The following PLA2G4B variants were observed in gnomAD, a reference collection of about 807,000 sequenced individuals.
PLA2G4B encodes cytosolic phospholipase A2 beta.
A neutral mutation model predicts 95.8 loss-of-function variants in PLA2G4B; 122 were observed. The ratio of observed to expected loss-of-function variants is 1.27; its 90% CI spans 1.10 to 1.48. The LOEUF (loss-of-function observed/expected upper bound fraction) is 1.48, where lower values mean the gene tolerates loss of function less well. Among genes scored for constraint, PLA2G4B ranks in the 40% most tolerant of loss-of-function variants. PLA2G4B has a pLI of 0.00. For missense variants in PLA2G4B, 1,158 were observed against 996.2 expected (o/e 1.16, Z -2.19); for synonymous variants, 518 against 421.5 (o/e 1.23, Z -2.80).
At chr15:41,844,401 C>T in intron 11 of PLA2G4B, 70 bp from the exon 12 acceptor site, 1 of 1,609,270 alleles carries the variant, frequency 6.2e-7, no homozygotes, top group South Asian at 1.1e-5. Context: ...TGACCTGCTA[C>T]CTCTTCTTCC....
At chr15:41,846,072 G>A (rs1203979698) in intron 16 of PLA2G4B, 25 bp downstream of exon 16, 2 of 1,569,770 alleles carry the variant, frequency 1.3e-6, no homozygotes, top group Non-Finnish European at 1.7e-6. Flanking sequence ...CCCTTCATAA[G>A]GGTGCCAAGG....
intron 17 of PLA2G4B, 119 bp downstream of exon 17, chr15:41,846,501 G>A: frequency 6.6e-7 from 1 of 1,509,998 alleles, no homozygotes; most frequent in African/African-American, 1.4e-5. Flanking sequence ...GGACTACTTG[G>A]AACAGGGGTC....
Position 41,838,928 on chromosome 15 carries a change from G to T in PLA2G4B, c.9+6G>T. 6.3e-7 allele frequency: 1 copy of T among 1,590,736 alleles called. No individual in the cohort carries two copies. On this transcript the variant is annotated splice_donor_region_variant and intron_variant, in intron 1 of 19. Coordinates refer to ENST00000458483, the MANE Select transcript of PLA2G4B (RefSeq NM_001114633.2). ...GACTCAGTCTCATGGCTGTGGTAAG[G>T]CCTGGCAGGGCCCTGGGTCCCTACT...
intron 1 of PLA2G4B, chr15:41,839,914 G>A (rs556138547): frequency 2.5e-5 from 13 of 526,392 alleles, no homozygotes; most frequent in African/African-American, 7.6e-5. Flanking sequence ...GTGGTTGTGC[G>A]ATAAATGAGT....
In PLA2G4B at chr15:41,840,777, G is replaced by A. The variant is rs2140888629; in HGVS notation, c.223G>A (p.Val75Ile). 6.2e-7 allele frequency: 1 copy of A among 1,613,666 alleles called. No individual in the cohort carries two copies. The highest frequency in any genetic ancestry group is 8.5e-7 in the Non-Finnish European group (1 of 1,179,714). Residue 75 changes from valine (V) to isoleucine (I), a missense_variant, in exon 4 of 20, where the codon GTC (valine) becomes ATC (isoleucine). Physicochemically the swap from Val to Ile is conservative, Grantham distance 29. Transcript: ENST00000458483. ...HFRIHRQLKNVMELKVFDQDL... is the reference protein window; with the variant it reads ...HFRIHRQLKNIMELKVFDQDL... ...CTGTCACTCTTTTCCCCTCCAGAAT[G>A]TCATGGAACTGAAAGTCTTTGACCA...
Position 41,840,825 on chromosome 15 carries a change from C to A in PLA2G4B, c.271C>A (p.Pro91Thr). ...FDQDLVTGDDPVLSVLFDAGT... is the reference protein window; with the variant it reads ...FDQDLVTGDDTVLSVLFDAGT... ...CCAGGACCTGGTGACCGGAGATGAC[C>A]CTGTGTTGTCAGTACTGTTTGATGC... is the stretch of plus-strand genomic sequence containing the variant. Residue 91 changes from proline (P) to threonine (T), a missense_variant, in exon 4 of 20, where the codon CCT becomes ACT. Pro to Thr is a conservative substitution (Grantham distance 38). Transcript: ENST00000458483. 1 of 1,614,040 alleles carries A rather than the reference C, an allele frequency of 6.2e-7. No individual in the cohort carries two copies. Among genetic ancestry groups the A allele is most frequent in the Non-Finnish European group, 8.5e-7 (1 of 1,179,986 alleles).
chr15:41,844,979 G>T lies in PLA2G4B; in HGVS notation c.1148G>T (p.Arg383Leu). ...VLAPSQLQRYRQELAERARLG... is the reference protein window; with the variant it reads ...VLAPSQLQRYLQELAERARLG... ...GCCCCCAGCCAGCTGCAGCGGTACC[G>T]GCAGGAGCTGGCCGAGCGTGCCCGC... The change falls in exon 13 of 20, where the codon CGG (arginine) becomes CTG (leucine). Residue 383 changes from arginine to leucine, a missense_variant. Arg to Leu is a moderately radical substitution (Grantham distance 102, BLOSUM62 -2). Coordinates refer to ENST00000458483, the MANE Select transcript of PLA2G4B (RefSeq NM_001114633.2). The T allele has an allele frequency of 1.9e-6, 3 of 1,610,060 alleles. No individual in the cohort carries two copies. The highest frequency in any genetic ancestry group is 2.5e-6 in the Non-Finnish European group (3 of 1,178,470).
rs772266698 is a variant in PLA2G4B, at chr15:41,840,559, C to T, written c.118C>T (p.Pro40Ser). 1.6e-4 allele frequency: 265 copies of T among 1,613,776 alleles called. 1 individual carries two copies. The highest frequency in any genetic ancestry group is 7.6e-6 in the Non-Finnish European group (9 of 1,180,036). Residue 40 changes from proline to serine, a missense_variant, in exon 3 of 20, where the codon CCC (proline) becomes TCC (serine). By Grantham distance (74) the Pro-to-Ser change is moderately conservative. Coordinates refer to ENST00000458483, the MANE Select transcript of PLA2G4B (RefSeq NM_001114633.2). ...PSDCYVTLWL[P>S]TACSHRLQTR... Reference sequence around the variant, plus strand: ...TGACTGCTACGTGACTCTCTGGCTGCCCACGGCCTGCAGCCACAGGCTCCA... The same window carrying T: ...TGACTGCTACGTGACTCTCTGGCTGTCCACGGCCTGCAGCCACAGGCTCCA...
intron 18 of PLA2G4B, 27 bp from the exon 19 acceptor site, chr15:41,847,310 C>T: frequency 1.3e-6 from 2 of 1,575,004 alleles, no homozygotes; most frequent in Non-Finnish European, 1.7e-6. Context: ...CCCTGTCCCT[C>T]TGAAGCCCCT....
At position 41,846,374 on chromosome 15, in the gene PLA2G4B, C is replaced by T. The variant is rs36126315; in HGVS notation, c.1772C>T (p.Thr591Ile). Residue 591 changes from threonine (T) to isoleucine (I), a missense_variant, in exon 17 of 20, where the codon ACA becomes ATA. By Grantham distance (89) the Thr-to-Ile change is moderately conservative (BLOSUM62 -1). Transcript: ENST00000458483. ...KDYFQHPHFSTWKATTLDGLP... is the reference protein window; with the variant it reads ...KDYFQHPHFSIWKATTLDGLP... ...TACTTTCAGCATCCTCACTTCTCCA[C>T]ATGGAAAGGTACCTGCTTCTCTCCA... 2.4e-3 allele frequency: 3,788 copies of T among 1,604,848 alleles called. 79 individuals are homozygous for T. In the African/African-American group the frequency reaches 0.044, roughly 19 times the overall value.
Position 41,844,506 on chromosome 15 carries a change from G to A in PLA2G4B, c.915G>A (p.Gly305=). The change falls in exon 12 of 20, where the codon GGG becomes GGA. Residue 305 remains glycine, a synonymous_variant. Transcript: ENST00000458483. ...TAGCTATTATGGCCACTGGTGGTGG[G>A]ATCCGGGCAATGACTTCCCTGTATG... The part of the protein sequence containing the change: ...PVVAIMATGG[G]IRAMTSLYGQ... The A allele has an allele frequency of 7.4e-6, 12 of 1,614,178 alleles. No homozygotes were observed. The highest frequency in any genetic ancestry group is 8.5e-6 in the Non-Finnish European group (10 of 1,180,016).
intron 19 of PLA2G4B, 24 bp from the exon 20 acceptor site, chr15:41,847,611 CAACGTGTTCCCCAT>C (rs373559458): frequency 5.6e-6 from 9 of 1,612,930 alleles, no homozygotes; most frequent in South Asian, 2.2e-5. Flanking sequence ...GTCTTCCCCA[CAACGTGTTCCCCAT>C]GCCAGGCTGC....
chr15:41,846,940 G>A (rs1453560236), intron 18 of PLA2G4B, 105 bp downstream of exon 18: 1 of 1,397,760 alleles, frequency 7.2e-7, no homozygotes, highest in Non-Finnish European at 9.6e-7. Flanking sequence ...TTTAGGAGCT[G>A]TGATTGGGAC....
chr15:41,846,931 T>G, intron 18 of PLA2G4B, 96 bp downstream of exon 18: 1 of 1,426,248 alleles, frequency 7.0e-7, no homozygotes. Flanking sequence ...TCAGCTTCCT[T>G]TAGGAGCTGT....
chr15:41,845,775 G>C lies in PLA2G4B; in HGVS notation c.1495G>C (p.Gly499Arg). Residue 499 changes from glycine (G) to arginine (R), a missense_variant and splice_region_variant, in exon 15 of 20, where the codon GGT becomes CGT. Physicochemically the swap from Gly to Arg is moderately radical, Grantham distance 125. Coordinates refer to ENST00000458483, the MANE Select transcript of PLA2G4B (RefSeq NM_001114633.2). ...TGAGTCCCGCATCTGCTTCTTAGAA[G>C]GTGAGGGGCACTGGCAGGCTGGGGA... is the stretch of plus-strand genomic sequence containing the variant. The part of the protein sequence containing the change: ...LPESRICFLE[G>R]IWSNLYAANL... The C allele has an allele frequency of 6.3e-7, 1 of 1,593,022 alleles. No homozygotes were observed. Among genetic ancestry groups the C allele is most frequent in the Non-Finnish European group, 8.6e-7 (1 of 1,168,902 alleles).
At position 41,843,744 on chromosome 15, in the gene PLA2G4B, G is replaced by A. The variant is rs764678315; in HGVS notation, c.812G>A (p.Arg271Lys). The change falls in exon 11 of 20, where the codon AGG becomes AAG. Residue 271 changes from arginine to lysine, a missense_variant. Transcript: ENST00000458483. ...CAEEQAFLSR[R>K]KQVVAAALRQ... ...GAGGAGCAGGCCTTCCTGAGCAGGA[G>A]GAAGCAGGTGGTGGCCGCGGCCTTG... 3.2e-5 allele frequency: 52 copies of A among 1,614,016 alleles called. No homozygotes were observed. The highest frequency in any genetic ancestry group is 4.3e-5 in the Non-Finnish European group (51 of 1,180,028).
At position 41,840,145 on chromosome 15, in the gene PLA2G4B, C is replaced by A. The variant is rs780349655; in HGVS notation, c.10-13C>A. The A allele has an allele frequency of 6.2e-7, 1 of 1,611,626 alleles. No individual in the cohort carries two copies. On this transcript the variant is annotated splice_polypyrimidine_tract_variant and intron_variant, in intron 1 of 19. Coordinates refer to ENST00000458483, the MANE Select transcript of PLA2G4B (RefSeq NM_001114633.2). Reference sequence around the variant, plus strand: ...TCGGCCCGTAGCAGGTCTCCCCTCTCCCACCTCTGCAGGCAGAGGTGTCCA... The same window carrying A: ...TCGGCCCGTAGCAGGTCTCCCCTCTACCACCTCTGCAGGCAGAGGTGTCCA...
intron 19 of PLA2G4B, 29 bp downstream of exon 19, chr15:41,847,552 C>T: frequency 6.2e-7 from 1 of 1,603,270 alleles, no homozygotes; most frequent in Non-Finnish European, 8.5e-7. Context: ...CCCCATCCTG[C>T]TGCCCCAGTC....
Position 41,846,843 on chromosome 15 carries a change from AGGGTGGGCAGCCCACCAGGGAGGCGGT to A in PLA2G4B, c.1947+15_1947+41del, listed in dbSNP as rs780966296. On this transcript the variant is annotated intron_variant, in intron 18 of 19. Coordinates refer to ENST00000458483, the MANE Select transcript of PLA2G4B (RefSeq NM_001114633.2). ...CTCCACGGAGCCTTCCAGGTTGGGAAGGGTGGGCAGCCCACCAGGGAGGCGGTGGGTGGCCCCTGTCCCCTGAAGAGA... is the reference window on the plus strand; with the variant it reads ...CTCCACGGAGCCTTCCAGGTTGGGAAGGGTGGCCCCTGTCCCCTGAAGAGA... 6.3e-7 allele frequency: 1 copy of A among 1,599,228 alleles called. No individual in the cohort carries two copies. Among genetic ancestry groups the A allele is most frequent in the Non-Finnish European group, 8.6e-7 (1 of 1,168,758 alleles).
Sources: allele counts gnomAD v4.1 joint callset, GRCh38; gene constraint gnomAD v4.1.1; transcripts MANE v1.5; gene names NCBI Gene and HGNC (gene_info 2026-07-23, HGNC 2026-07-21).